PACRGL: variants seen among roughly 807,000 people sequenced by gnomAD.
PACRGL encodes the protein parkin coregulated like, also known as PACRG-like protein.
A neutral mutation model predicts 34.5 loss-of-function variants in PACRGL; 38 were observed. That is an observed-to-expected ratio of 1.10 (90% CI 0.85 to 1.44). The LOEUF is 1.44. Ranked by LOEUF, PACRGL falls within the 40% of genes most tolerant of loss-of-function variation. The pLI is 0.00. For synonymous variants in PACRGL, 128 were observed against 100.1 expected (o/e 1.28, Z -1.66); for missense variants, 305 against 281.4 (o/e 1.08, Z -0.60).
At chr4:20,753,179 A>C (rs1753938879), downstream of PACRGL, among the ~76,000 whole-genome samples, 1 of 152,176 alleles carries the variant, frequency 6.6e-6, no homozygotes, top group South Asian at 2.1e-4. Flanking sequence ...TTTACATTGA[A>C]CAAAGGTAAA....
downstream of PACRGL, among the ~76,000 whole-genome samples, chr4:20,737,309 A>G (rs1289173007): frequency 6.6e-6 from 1 of 152,184 alleles, no homozygotes; most frequent in Non-Finnish European, 1.5e-5. Flanking sequence ...CCAAGGTTGG[A>G]AAAATGTTCA....
chr4:20,746,246 G>A (rs551612716), intron 8 of PACRGL, among the ~76,000 whole-genome samples: 3 of 152,154 alleles, frequency 2.0e-5, no homozygotes, highest in South Asian at 2.1e-4. Flanking sequence ...GCTGGAAACC[G>A]TCATTCTCAG....
chr4:20,720,021 G>T (rs1356647291), intron 7 of PACRGL, among the ~76,000 whole-genome samples: 1 of 152,062 alleles, frequency 6.6e-6, no homozygotes, highest in Non-Finnish European at 1.5e-5. Flanking sequence ...CTCCTGTATT[G>T]GGTGCATATA....
chr4:20,724,509 A>G (rs1281040788), intron 7 of PACRGL, among the ~76,000 whole-genome samples: 2 of 152,160 alleles, frequency 1.3e-5, no homozygotes, highest in African/African-American at 2.4e-5. Context: ...GCTTTCCATC[A>G]TGGTCCTCAA....
chr4:20,714,634 G>A (rs1168734543), intron 7 of PACRGL, among the ~76,000 whole-genome samples: 1 of 152,128 alleles, frequency 6.6e-6, no homozygotes, highest in Non-Finnish European at 1.5e-5. Flanking sequence ...GCAGTGGCTG[G>A]TACAGGTTGT....
In PACRGL at chr4:20,704,646, C is replaced by G. The variant is rs1184469456; in HGVS notation, c.53-14C>G. 1 of 1,613,860 alleles carries G rather than the reference C, an allele frequency of 6.2e-7. No individual in the cohort carries two copies. The highest frequency in any genetic ancestry group is 1.1e-5 in the South Asian group (1 of 91,066). On this transcript the variant is annotated splice_polypyrimidine_tract_variant and intron_variant, in intron 2 of 8. Transcript: ENST00000503585. ...CTTGTACCTGGTTTCTATTGATGTT[C>G]TGTTTTTTTCCAGGTAACTATGATC... is the stretch of plus-strand genomic sequence containing the variant.
intron 8 of PACRGL, among the ~76,000 whole-genome samples, chr4:20,727,018 T>G (rs1745987032): frequency 6.6e-6 from 1 of 152,164 alleles, no homozygotes; most frequent in Non-Finnish European, 1.5e-5. Context: ...TAGTCCAGGT[T>G]TGACGAATAA....
rs1736202416 is a variant in PACRGL, at chr4:20,709,698, A to G, written c.291A>G (p.Ser97=). The G allele has an allele frequency of 3.7e-6, 6 of 1,604,072 alleles. No homozygotes were observed. Among genetic ancestry groups the G allele is most frequent in the Admixed American group, 1.7e-5 (1 of 59,390 alleles). The change falls in exon 5 of 9, where the codon TCA becomes TCG. Residue 97 remains serine, a synonymous_variant. Transcript: ENST00000503585. ...TATATTTTAGATTGGTACATGGTTC[A>G]GTAAAACACAGATTACAGTGGGAAT... ...GGIPCRLVHG[S]VKHRLQWECP...
chr4:20,740,339 G>T (rs978291107), intron 8 of PACRGL, among the ~76,000 whole-genome samples: 2 of 152,040 alleles, frequency 1.3e-5, no homozygotes, highest in African/African-American at 4.8e-5. Flanking sequence ...GGGAGGTCGG[G>T]TTACCCACAA....
chr4:20,716,665 A>G (rs868485797), intron 7 of PACRGL, among the ~76,000 whole-genome samples: 2 of 152,134 alleles, frequency 1.3e-5, no homozygotes, highest in Non-Finnish European at 2.9e-5. Flanking sequence ...ACATGAACTC[A>G]TCCTTTTTTA....
At chr4:20,701,891 G>A (rs1288840569) in intron 1 of PACRGL, 3 of 456,216 alleles carry the variant, frequency 6.6e-6, no homozygotes, top group East Asian at 1.4e-4. Flanking sequence ...TAAGGTAAAG[G>A]ATAAAAATTT....
At chr4:20,707,982 T>A (rs1005828245) in intron 4 of PACRGL, 112 bp downstream of exon 4, 1 of 811,430 alleles carries the variant, frequency 1.2e-6, no homozygotes, top group Non-Finnish European at 2.0e-6. Context: ...GAGGTTGAAA[T>A]AAAGATGACT....
intron 7 of PACRGL, among the ~76,000 whole-genome samples, chr4:20,714,372 T>A (rs7438098): frequency 6.6e-6 from 1 of 151,946 alleles, no homozygotes; most frequent in African/African-American, 2.4e-5. Context: ...TCCATCCTTT[T>A]ATTTTGAGCC....
intron 4 of PACRGL, among the ~76,000 whole-genome samples, chr4:20,708,081 A>G (rs987494002): frequency 1.3e-5 from 2 of 152,220 alleles, no homozygotes; most frequent in East Asian, 1.9e-4. Flanking sequence ...ATTGGGATCT[A>G]TGGATAAACC....
At chr4:20,745,817 TGCCAATC>T (rs1047319177) in intron 8 of PACRGL, among the ~76,000 whole-genome samples, 2 of 152,180 alleles carry the variant, frequency 1.3e-5, no homozygotes, top group Non-Finnish European at 2.9e-5. Flanking sequence ...CCTGACTCCC[TGCCAATC>T]AAAGACTGCT....
Position 20,732,111 on chromosome 4 carries a change from T to A in PACRGL, c.*4770T>A. 1 of 1,360,228 alleles carries A rather than the reference T, an allele frequency of 7.4e-7. No homozygotes were observed. Among genetic ancestry groups the A allele is most frequent in the Non-Finnish European group, 1.1e-6 (1 of 950,956 alleles). 84.3% of individuals were successfully genotyped at this position (1,360,228 alleles called of 1,614,324 possible). On this transcript the variant is annotated 3_prime_UTR_variant, in exon 9 of 9. Transcript: ENST00000503585. ...AAAAATTGTATTTAGACTTATCCCT[T>A]AATACCCTCACACCTGGACCAAATG...
At chr4:20,735,814 C>T (rs557470188), downstream of PACRGL, among the ~76,000 whole-genome samples, 18 of 152,132 alleles carry the variant, frequency 1.2e-4, no homozygotes, top group Admixed American at 1.1e-3. Flanking sequence ...GGATTACAGG[C>T]GTGAGCCACC....
chr4:20,742,346 G>A (rs540795792), intron 8 of PACRGL, among the ~76,000 whole-genome samples: 7 of 152,268 alleles, frequency 4.6e-5, no homozygotes, highest in Non-Finnish European at 8.8e-5. Context: ...GAATCCAGCA[G>A]CACATCAAAA....
At chr4:20,732,919 G>A (rs1004254253), downstream of PACRGL, 2 of 591,042 alleles carry the variant, frequency 3.4e-6, no homozygotes, top group East Asian at 2.9e-5. Context: ...TTAGACGACT[G>A]TTGGTTGTCC....
Sources: gnomAD v4.1 joint callset for allele counts (sites outside exome capture counted in the v4.1 genomes callset) on GRCh38, gnomAD v4.1.1 for gene constraint, MANE v1.5 for transcripts, NCBI Gene and HGNC (gene_info 2026-07-23, HGNC 2026-07-21) for gene names.